Variants in CDH18 observed in about 807,000 individuals in gnomAD.
The protein encoded by CDH18 is cadherin-18.
CDH18 carries 31 observed loss-of-function variants against 67.9 expected under a neutral mutation model. The observed-to-expected ratio is 0.46, with a 90% CI of 0.34 to 0.62. CDH18 has a LOEUF of 0.62. CDH18 is among the 20% of genes least tolerant of loss of function. The pLI is 0.01. For synonymous variants in CDH18, 362 were observed against 347.2 expected, an observed-to-expected ratio of 1.04 and a Z score of -0.48; for missense variants, 890 against 975.5, an observed-to-expected ratio of 0.91 and a Z score of 1.17.
chr5:19,547,355 A>G (rs996651895), intron 8 of CDH18, among the ~76,000 whole-genome samples: 2 of 152,212 alleles, frequency 1.3e-5, no homozygotes, highest in African/African-American at 2.4e-5. Context: ...GGAGGATTCA[A>G]ATTTGGAACT....
intron 8 of CDH18, among the ~76,000 whole-genome samples, chr5:19,563,175 G>T (rs949406191): frequency 2.0e-5 from 3 of 151,938 alleles, no homozygotes; most frequent in Admixed American, 6.6e-5. Flanking sequence ...TTGTTTGTTT[G>T]TTTTTATTTT....
chr5:20,567,788 A>G (rs1758598166), intron 1 of CDH18, among the ~76,000 whole-genome samples: 1 of 152,184 alleles, frequency 6.6e-6, no homozygotes. Flanking sequence ...TTTAAACACA[A>G]AAGACAACAG....
chr5:20,338,205 A>G (rs75178914), intron 1 of CDH18, among the ~76,000 whole-genome samples: 1,739 of 152,322 alleles, frequency 0.011, 37 homozygotes, highest in African/African-American at 0.04. Context: ...TTCATGTAAG[A>G]ACTCAGCACT....
intron 1 of CDH18, among the ~76,000 whole-genome samples, chr5:20,282,337 A>C (rs1746346757): frequency 6.6e-6 from 1 of 152,138 alleles, no homozygotes; most frequent in Non-Finnish European, 1.5e-5. Context: ...TCAGTATGAT[A>C]TTGGCTGTGG....
At chr5:20,324,678 G>T (rs1738381054) in intron 1 of CDH18, among the ~76,000 whole-genome samples, 1 of 152,164 alleles carries the variant, frequency 6.6e-6, no homozygotes, top group East Asian at 1.9e-4. Context: ...TTGTTTCTAT[G>T]GGTGAGGGGA....
intron 2 of CDH18, among the ~76,000 whole-genome samples, chr5:20,159,724 C>T (rs1751827186): frequency 6.6e-6 from 1 of 152,052 alleles, no homozygotes; most frequent in African/African-American, 2.4e-5. Context: ...GATGATAAGG[C>T]CAAGTTTAAC....
At chr5:19,927,526 A>T (rs1489129171) in intron 2 of CDH18, among the ~76,000 whole-genome samples, 1 of 152,128 alleles carries the variant, frequency 6.6e-6, no homozygotes, top group Non-Finnish European at 1.5e-5. Flanking sequence ...GTACCTTAAT[A>T]ATAGTAACAT....
chr5:20,046,233 A>G (rs1160909141), intron 2 of CDH18, among the ~76,000 whole-genome samples: 1 of 151,992 alleles, frequency 6.6e-6, no homozygotes, highest in East Asian at 1.9e-4. Context: ...AATATGAGGG[A>G]TGAAAGAAGT....
At chr5:19,674,815 T>C (rs890053827) in intron 5 of CDH18, among the ~76,000 whole-genome samples, 3 of 152,092 alleles carry the variant, frequency 2.0e-5, no homozygotes, top group African/African-American at 4.8e-5. Context: ...CGGTTTATCG[T>C]TACACAAATC....
rs538119393 is a variant in CDH18, at chr5:20,265,142, A to G, written c.-579-9637T>C. Among the ~76,000 whole-genome samples the G allele has an allele frequency of 3.3e-5, 5 of 152,256 alleles. No individual in the cohort carries two copies. The South Asian group carries it at 8.3e-4, about 25-fold the overall frequency. On this transcript the variant is annotated intron_variant, in intron 1 of 14. Transcript: ENST00000507958. ...GATTATAGTTAATGAGCAACTTTCAAACTACATTTATTTTATATTTCCTCC... is the reference window on the plus strand; with the variant it reads ...GATTATAGTTAATGAGCAACTTTCAGACTACATTTATTTTATATTTCCTCC...
At chr5:19,909,607 A>C (rs1790911754) in intron 2 of CDH18, among the ~76,000 whole-genome samples, 1 of 152,016 alleles carries the variant, frequency 6.6e-6, no homozygotes, top group African/African-American at 2.4e-5. Context: ...GCTATGTAGG[A>C]AACTTTTGGT....
intron 8 of CDH18, among the ~76,000 whole-genome samples, chr5:19,547,865 T>C (rs2127113697): frequency 6.6e-6 from 1 of 152,264 alleles, no homozygotes; most frequent in Non-Finnish European, 1.5e-5. Context: ...AACTAAATAG[T>C]TCTGCCTAAC....
intron 2 of CDH18, among the ~76,000 whole-genome samples, chr5:20,241,747 G>A (rs1407285157): frequency 6.6e-6 from 1 of 151,408 alleles, no homozygotes; most frequent in African/African-American, 2.4e-5. Context: ...AGCTACTCGG[G>A]AGGCTGAAGC....
At chr5:20,361,513 T>C (rs890237698) in intron 1 of CDH18, among the ~76,000 whole-genome samples, 1 of 152,070 alleles carries the variant, frequency 6.6e-6, no homozygotes, top group African/African-American at 2.4e-5. Context: ...TCATAAAAAC[T>C]ATAAATGTAT....
intron 5 of CDH18, among the ~76,000 whole-genome samples, chr5:19,617,109 T>C (rs2150127613): frequency 6.6e-6 from 1 of 152,294 alleles, no homozygotes; most frequent in African/African-American, 2.4e-5. Context: ...TTCAAGACCA[T>C]ATGTTGCTGA....
At chr5:20,104,261 C>A (rs1000147847) in intron 2 of CDH18, among the ~76,000 whole-genome samples, 1 of 151,746 alleles carries the variant, frequency 6.6e-6, no homozygotes, top group Non-Finnish European at 1.5e-5. Context: ...TAAAATAGGC[C>A]TCTACTGAAC....
chr5:19,489,400 A>AC (rs1479018288), intron 11 of CDH18, among the ~76,000 whole-genome samples: 1 of 151,794 alleles, frequency 6.6e-6, no homozygotes, highest in Non-Finnish European at 1.5e-5. Flanking sequence ...GGCGCCCGCC[A>AC]CCACACCTGG....
chr5:20,344,570 G>C (rs1354717324), intron 1 of CDH18, among the ~76,000 whole-genome samples: 1 of 151,988 alleles, frequency 6.6e-6, no homozygotes, highest in African/African-American at 2.4e-5. Context: ...CACCTAGGGG[G>C]CCTCAAAAGC....
At chr5:20,457,712 G>A (rs1750939861) in intron 1 of CDH18, among the ~76,000 whole-genome samples, 1 of 152,166 alleles carries the variant, frequency 6.6e-6, no homozygotes, top group Non-Finnish European at 1.5e-5. Flanking sequence ...TAGCAAGCCA[G>A]TAGATCATGA....
Sources: gnomAD v4.1 joint callset for allele counts (sites outside exome capture counted in the v4.1 genomes callset) on GRCh38, gnomAD v4.1.1 for gene constraint, MANE v1.5 for transcripts, NCBI Gene and HGNC (gene_info 2026-07-23, HGNC 2026-07-21) for gene names.